STK36: variants seen among roughly 807,000 people sequenced by gnomAD.
The protein encoded by STK36 is serine/threonine kinase 36, also known as serine/threonine-protein kinase 36.
Under a neutral mutation model 142.2 loss-of-function variants are expected in STK36, and 116 were observed. The observed-to-expected ratio is 0.82, with a 90% CI of 0.70 to 0.95. The LOEUF is 0.95. Ranked by LOEUF, STK36 falls within the 40% of genes least tolerant of loss-of-function variation. The probability of loss-of-function intolerance (pLI) is 0.00; values close to 1 mark genes in which losing one functional copy is unlikely to be tolerated. For missense variants in STK36, 1,422 were observed against 1,617.2 expected (o/e 0.88, Z 2.07); for synonymous variants, 619 against 641.7 (o/e 0.96, Z 0.53).
chr2:218,699,393 T>C (rs373449694), intron 26 of STK36, 45 bp downstream of exon 26: 24 of 1,575,182 alleles, frequency 1.5e-5, no homozygotes, highest in Admixed American at 1.9e-5. Flanking sequence ...AGGGCCCCTA[T>C]AGTTGACAAC....
At chr2:218,679,438 G>A (rs1006573081) in intron 7 of STK36, 122 bp from the exon 8 acceptor site, 1 of 1,356,862 alleles carries the variant, frequency 7.4e-7, no homozygotes, top group African/African-American at 1.5e-5. Context: ...CTCTCTCTCT[G>A]TCACTTTTTC....
chr2:218,688,657 GA>G (rs765650557), intron 11 of STK36, 39 bp from the exon 12 acceptor site: 1 of 1,591,764 alleles, frequency 6.3e-7, no homozygotes, highest in African/African-American at 1.4e-5. Flanking sequence ...TTTTACCTCT[GA>G]AAATATCAAT....
At position 218,692,160 on chromosome 2, in the gene STK36, C is replaced by T. The variant is rs754497139; in HGVS notation, c.1782C>T (p.Cys594=). 29 of 1,614,044 alleles carry T rather than the reference C, an allele frequency of 1.8e-5. No homozygotes were observed. The highest frequency in any genetic ancestry group is 9.9e-5 in the South Asian group (9 of 91,086). ...TCCTTTAGTGCTTTACTGTCCTGTG[C>T]GAAGCCATGGATGGGAACAGCCGGG... ...RDSLMCFTVL[C]EAMDGNSRAI... is the part of the protein sequence containing the mutation. Residue 594 remains cysteine, a synonymous_variant, in exon 15 of 27, where the codon TGC becomes TGT. Coordinates refer to ENST00000295709, the MANE Select transcript of STK36 (RefSeq NM_015690.5).
At chr2:218,700,799 G>A (rs1225097405) in intron 26 of STK36, among the ~76,000 whole-genome samples, 1 of 150,782 alleles carries the variant, frequency 6.6e-6, no homozygotes, top group African/African-American at 2.4e-5. Context: ...ATCACTTGAG[G>A]TCAGGAGTTT....
chr2:218,687,547 T>G (rs926707317), intron 11 of STK36, among the ~76,000 whole-genome samples: 8 of 152,164 alleles, frequency 5.3e-5, no homozygotes, highest in African/African-American at 1.9e-4. Flanking sequence ...TTTGCACTTG[T>G]CTTTTGGCGC....
At chr2:218,672,294 C>T (rs557097098) in intron 1 of STK36, 79 bp downstream of exon 1, 2 of 448,948 alleles carry the variant, frequency 4.5e-6, no homozygotes, top group Non-Finnish European at 8.1e-6. Context: ...ATGCAGGCAG[C>T]CAGAAGAGAT....
chr2:218,676,190 C>T lies in STK36; in HGVS notation c.596C>T (p.Pro199Leu). Residue 199 changes from proline (P) to leucine (L), a missense_variant, in exon 6 of 27, where the codon CCC becomes CTC. By Grantham distance (98) the Pro-to-Leu change is moderately conservative. Transcript: ENST00000295709. ...ILYELAVGTP[P>L]FYATSIFQLV... ...TATGAACTGGCAGTAGGCACCCCTC[C>T]CTTCTATGCTACAAGCATCTTTCAG... 4 of 1,614,202 alleles carry T rather than the reference C, an allele frequency of 2.5e-6. No individual in the cohort carries two copies. The highest frequency in any genetic ancestry group is 1.6e-4 in the Middle Eastern group (1 of 6,062).
chr2:218,693,932 C>T lies in STK36; in HGVS notation c.2285C>T (p.Thr762Ile). The change falls in exon 19 of 27, where the codon ACA becomes ATA. Residue 762 changes from threonine to isoleucine, a missense_variant. Thr to Ile is a moderately conservative substitution (Grantham distance 89). This residue lies in a region of STK36 where 962 missense variants were observed against 1,167.5 expected (regional missense o/e 0.82). Coordinates refer to ENST00000295709, the MANE Select transcript of STK36 (RefSeq NM_015690.5). ...VVDWEESTEV[T>I]LYFLSLLVFR... Reference sequence around the variant, plus strand: ...GATTGGGAAGAGTCTACTGAAGTGACACTCTACTTCCTCTCCCTTCTTGTC... The same window carrying T: ...GATTGGGAAGAGTCTACTGAAGTGATACTCTACTTCCTCTCCCTTCTTGTC... The T allele has an allele frequency of 5.6e-6, 9 of 1,614,260 alleles. No individual in the cohort carries two copies. Among genetic ancestry groups the T allele is most frequent in the South Asian group, 1.1e-5 (1 of 91,086 alleles).
intron 6 of STK36, among the ~76,000 whole-genome samples, chr2:218,678,270 G>A (rs1940347563): frequency 2.0e-5 from 3 of 152,002 alleles, no homozygotes; most frequent in Admixed American, 2.0e-4. Context: ...TTTTATGTAG[G>A]GCAAGATTAT....
rs745609952 is a variant in STK36, at chr2:218,680,039, C to T, written c.1095C>T (p.Ser365=). 6.2e-7 allele frequency: 1 copy of T among 1,614,178 alleles called. No homozygotes were observed. The highest frequency in any genetic ancestry group is 1.7e-5 in the Admixed American group (1 of 60,016). ...TCTTAGCCTCAGAATTGAAGAGCAGCTGGGCTAAATCAGGGACTGGAGAGG... is the reference window on the plus strand; with the variant it reads ...TCTTAGCCTCAGAATTGAAGAGCAGTTGGGCTAAATCAGGGACTGGAGAGG... ...AGILASELKS[S]WAKSGTGEVP... Residue 365 remains serine (S), a synonymous_variant, in exon 9 of 27, where the codon AGC becomes AGT. Coordinates refer to ENST00000295709, the MANE Select transcript of STK36 (RefSeq NM_015690.5).
At chr2:218,676,399 G>A (rs1940248133) in intron 6 of STK36, 121 bp downstream of exon 6, 1 of 1,301,820 alleles carries the variant, frequency 7.7e-7, no homozygotes, top group South Asian at 1.5e-5. Context: ...TGAATTAATG[G>A]CTGTGTTATT....
In STK36 at chr2:218,692,627, A is replaced by ATACC. The variant is rs1318906638; in HGVS notation, c.1962_1965dup (p.Gly656ThrfsTer38). ...GCCACTGCGAGAGCAGAGTGAGGAT[A>ATACC]TACCTGGAGCCATTTCCTCTGCCCT... On this transcript the variant is annotated frameshift_variant, in exon 16 of 27. Transcript: ENST00000295709. LOFTEE classifies it high-confidence loss of function. The ATACC allele has an allele frequency of 6.2e-7, 1 of 1,613,784 alleles. No individual in the cohort carries two copies.
At chr2:218,683,858 G>A (rs1213642749) in intron 10 of STK36, among the ~76,000 whole-genome samples, 6 of 151,432 alleles carry the variant, frequency 4.0e-5, no homozygotes, top group African/African-American at 1.5e-4. Context: ...TCTTGTGATA[G>A]TTTACTGAGA....
rs946805943 is a variant in STK36 at position 218,673,113 on chromosome 2, A to G, written c.84+200A>G. The G allele has an allele frequency of 6.3e-5, 33 of 522,298 alleles. No individual in the cohort carries two copies. In the Admixed American group the frequency reaches 1.1e-3, roughly 17 times the overall value. 32.4% of individuals were successfully genotyped at this position (522,298 alleles called of 1,614,324 possible). A position where few individuals can be genotyped will look rare whatever the true frequency, so the allele number is the denominator to read the frequency against. ...TCCACCGCTTTCTAGCCCTAGAATT[A>G]TGGACAAATTACTTAACTTCCCTAT... On this transcript the variant is annotated intron_variant, in intron 2 of 26. Coordinates refer to ENST00000295709, the MANE Select transcript of STK36 (RefSeq NM_015690.5).
chr2:218,701,307 ATT>A (rs760265629), intron 26 of STK36, among the ~76,000 whole-genome samples: 12 of 137,042 alleles, frequency 8.8e-5, no homozygotes, highest in African/African-American at 1.6e-4. Flanking sequence ...AATTTTTTGT[ATT>A]TTTTTTTTTT....
chr2:218,673,597 C>T lies in STK36; in HGVS notation c.85-28C>T, dbSNP rs189686171. The stretch of plus-strand genomic sequence containing the variant: ...AGATCTTTTCAGTAGTGTGATTAGG[C>T]GTTAACTTTTCACCTTACCACTGAC... On this transcript the variant is annotated intron_variant, in intron 2 of 26. Coordinates refer to ENST00000295709, the MANE Select transcript of STK36 (RefSeq NM_015690.5). 3.7e-4 allele frequency: 592 copies of T among 1,598,192 alleles called. 4 individuals are homozygous for T. The Middle Eastern group carries it at 4.7e-3, about 13-fold the overall frequency.
intron 6 of STK36, among the ~76,000 whole-genome samples, chr2:218,677,249 A>G (rs937568900): frequency 2.0e-5 from 3 of 152,154 alleles, no homozygotes; most frequent in African/African-American, 7.2e-5. Context: ...ACACACTTTT[A>G]AACAGCCAGA....
Position 218,676,035 on chromosome 2 carries a change from C to T in STK36, c.441C>T (p.Ala147=). The T allele has an allele frequency of 6.2e-7, 1 of 1,613,648 alleles. No homozygotes were observed. The highest frequency in any genetic ancestry group is 8.5e-7 in the Non-Finnish European group (1 of 1,179,774). The stretch of plus-strand genomic sequence containing the variant: ...ATCCCATTATCTTCTGCAGATTTGC[C>T]CGGGCTATGAGCACCAATACAATGG... ...GGIKLCDFGF[A]RAMSTNTMVL... The change falls in exon 6 of 27, where the codon GCC becomes GCT. Residue 147 remains alanine (A), a synonymous_variant. Transcript: ENST00000295709.
At chr2:218,678,498 C>G (rs1381834148) in intron 6 of STK36, among the ~76,000 whole-genome samples, 1 of 152,172 alleles carries the variant, frequency 6.6e-6, no homozygotes, top group East Asian at 1.9e-4. Flanking sequence ...GTATCTCCAG[C>G]AAGATCCATA....
Sources: gnomAD v4.1 joint callset for allele counts (sites outside exome capture counted in the v4.1 genomes callset) on GRCh38, gnomAD v4.1.1 for gene constraint, gnomAD v4.1.1 regional missense constraint, MANE v1.5 for transcripts, NCBI Gene and HGNC (gene_info 2026-07-23, HGNC 2026-07-21) for gene names.